LRRK1: variants seen among roughly 807,000 people sequenced by gnomAD.
LRRK1 encodes leucine-rich repeat serine/threonine-protein kinase 1.
A neutral mutation model predicts 209.1 loss-of-function variants in LRRK1; 113 were observed. The ratio of observed to expected loss-of-function variants is 0.54; its 90% CI spans 0.46 to 0.63. LRRK1 has a LOEUF of 0.63. LRRK1 is among the 30% of genes least tolerant of loss of function. The pLI is 0.00. For synonymous variants in LRRK1, 1,144 were observed against 1,099.7 expected (o/e 1.04, Z -0.80); for missense variants, 2,284 against 2,632.2 (o/e 0.87, Z 2.89).
chr15:100,940,872 G>T (rs532499257), intron 2 of LRRK1, among the ~76,000 whole-genome samples: 1 of 152,328 alleles, frequency 6.6e-6, no homozygotes, highest in Admixed American at 6.5e-5. Flanking sequence ...TGTGTGATTT[G>T]TGTAGGTTTG....
At chr15:101,034,811 C>T (rs2034430900) in intron 20 of LRRK1, among the ~76,000 whole-genome samples, 1 of 151,626 alleles carries the variant, frequency 6.6e-6, no homozygotes, top group African/African-American at 2.4e-5. Context: ...TCCTGATTAA[C>T]TTTGGGTAAG....
chr15:101,020,261 G>A (rs186077073), intron 12 of LRRK1, among the ~76,000 whole-genome samples: 22 of 152,200 alleles, frequency 1.4e-4, no homozygotes, highest in Admixed American at 1.4e-3. Flanking sequence ...CACATGTGCA[G>A]GTGTGGTGTG....
chr15:101,018,684 C>T lies in LRRK1; in HGVS notation c.1610-2369C>T, dbSNP rs1273392674. Reference sequence around the variant, plus strand: ...CTCTAGAAAGTGACAGCTGGCAGCCCGCAGAAGTACATCTGGGGAGCCATG... The same window carrying T: ...CTCTAGAAAGTGACAGCTGGCAGCCTGCAGAAGTACATCTGGGGAGCCATG... On this transcript the variant is annotated intron_variant, in intron 12 of 33. Coordinates refer to ENST00000388948, the MANE Select transcript of LRRK1 (RefSeq NM_024652.6). 5.3e-5 allele frequency among the ~76,000 whole-genome samples: 8 copies of T among 152,272 alleles called. No individual in the cohort carries two copies. The South Asian group carries it at 1.5e-3, about 28-fold the overall frequency.
intron 2 of LRRK1, among the ~76,000 whole-genome samples, chr15:100,949,690 A>T (rs1437949240): frequency 6.6e-6 from 1 of 152,214 alleles, no homozygotes; most frequent in African/African-American, 2.4e-5. Context: ...AGTGGAATTT[A>T]TCTTAGGATT....
chr15:100,973,283 C>T (rs541821984), intron 2 of LRRK1, among the ~76,000 whole-genome samples: 2 of 152,358 alleles, frequency 1.3e-5, no homozygotes, highest in African/African-American at 4.8e-5. Flanking sequence ...CCCATCGTTA[C>T]GCAGCGCGTT....
chr15:101,070,220 C>T lies in LRRK1; in HGVS notation c.*1372C>T, dbSNP rs779526617. ...GGGCAGCCCCTCCTTGCCCACTGTG[C>T]CAACATGCAGGTGGCCCCTGAGCAG... is the stretch of plus-strand genomic sequence containing the variant. On this transcript the variant is annotated 3_prime_UTR_variant, in exon 34 of 34. Transcript: ENST00000388948. The T allele has an allele frequency of 1.3e-5, 2 of 152,000 alleles. No homozygotes were observed. The highest frequency in any genetic ancestry group is 2.4e-5 in the African/African-American group (1 of 41,348). 9.4% of individuals were successfully genotyped at this position (152,000 alleles called of 1,614,324 possible). A position where few individuals can be genotyped will look rare whatever the true frequency, so the allele number is the denominator to read the frequency against.
At position 101,075,438 on chromosome 15, in the gene LRRK1, TAAG is replaced by T; in HGVS notation, c.*6592_*6594del. 8.3e-6 allele frequency: 1 copy of T among 120,436 alleles called. No individual in the cohort carries two copies. 7.5% of individuals were successfully genotyped at this position (120,436 alleles called of 1,614,324 possible). On this transcript the variant is annotated 3_prime_UTR_variant, in exon 34 of 34. Transcript: ENST00000388948. ...ATCCCCCGACCTTAACCCATAAGTA[TAAG>T]ATACCTCTACTCCCTCCTTGGTGAC...
chr15:101,038,789 A>T (rs914627924), intron 20 of LRRK1, among the ~76,000 whole-genome samples: 3 of 152,162 alleles, frequency 2.0e-5, no homozygotes, highest in Non-Finnish European at 4.4e-5. Context: ...CTAGTCAGCC[A>T]TCTTGAAGCC....
chr15:100,937,585 A>G (rs1038770301), intron 2 of LRRK1, among the ~76,000 whole-genome samples: 5 of 151,774 alleles, frequency 3.3e-5, no homozygotes, highest in African/African-American at 1.2e-4. Flanking sequence ...CCCAGGCTGG[A>G]GTGCAGTGGC....
rs377561844 is a variant in LRRK1, at chr15:101,045,900, G to A, written c.2964-81G>A. 1.3e-4 allele frequency: 163 copies of A among 1,248,874 alleles called. No homozygotes were observed. In the African/African-American group the frequency reaches 2.1e-3, roughly 16 times the overall value. 77.4% of individuals were successfully genotyped at this position (1,248,874 alleles called of 1,614,324 possible). The stretch of plus-strand genomic sequence containing the variant: ...GGTGTTCCAGCACAGCCTGTCCCCA[G>A]ATCAGGCCATCTGCTGGGGTCAGGG... On this transcript the variant is annotated intron_variant, in intron 20 of 33. Transcript: ENST00000388948.
intron 6 of LRRK1, among the ~76,000 whole-genome samples, chr15:100,999,089 G>A (rs1395673107): frequency 2.0e-5 from 3 of 152,154 alleles, no homozygotes; most frequent in Admixed American, 6.5e-5. Flanking sequence ...GGGTTCTCTC[G>A]AAAGCAAGTT....
intron 11 of LRRK1, 66 bp from the exon 12 acceptor site, chr15:101,015,260 A>C (rs944647388): frequency 7.6e-7 from 1 of 1,317,296 alleles, no homozygotes; most frequent in African/African-American, 1.4e-5. Flanking sequence ...GCATTATAAC[A>C]TCACAGCCAA....
Position 101,034,748 on chromosome 15 carries a change from G to A in LRRK1, c.2963+5516G>A, listed in dbSNP as rs932795820. On this transcript the variant is annotated intron_variant, in intron 20 of 33. Coordinates refer to ENST00000388948, the MANE Select transcript of LRRK1 (RefSeq NM_024652.6). ...CTTTAGCTATTCAATCTCTTGTTTG[G>A]TTCCATATGAATTTTAGAATCCATT... 2.0e-5 allele frequency among the ~76,000 whole-genome samples: 3 copies of A among 151,886 alleles called. No individual in the cohort carries two copies. In the East Asian group the frequency reaches 5.8e-4, roughly 29 times the overall value.
At chr15:101,002,481 C>T (rs1482970655) in intron 6 of LRRK1, among the ~76,000 whole-genome samples, 4 of 152,190 alleles carry the variant, frequency 2.6e-5, no homozygotes, top group Admixed American at 1.3e-4. Context: ...ACACATTCTC[C>T]ACCTGTTTGT....
Position 101,027,228 on chromosome 15 carries a change from A to G in LRRK1, c.2406-33A>G. The stretch of plus-strand genomic sequence containing the variant: ...CAGCAGCGCTTCCTCGGAGTGGGGC[A>G]TGATGAGTAAAGACGGGTCTTTTTG... On this transcript the variant is annotated intron_variant, in intron 17 of 33. Transcript: ENST00000388948. The surrounding 1 kb of genome is among the most constrained non-coding windows in gnomAD (Gnocchi z 5.1). 1.2e-6 allele frequency: 2 copies of G among 1,612,730 alleles called. No homozygotes were observed. The highest frequency in any genetic ancestry group is 1.7e-6 in the Non-Finnish European group (2 of 1,179,222).
At position 100,973,943 on chromosome 15, in the gene LRRK1, C is replaced by G; in HGVS notation, c.237C>G (p.Asp79Glu). ...GARDLLEEAC[D>E]QCASQLEKGQ... is the part of the protein sequence containing the mutation. ...GGGACCTGCTGGAGGAGGCCTGCGA[C>G]CAGTGCGCGTCCCAGCTGGAAAAGG... Residue 79 changes from aspartate (D) to glutamate (E), a missense_variant, in exon 3 of 34, where the codon GAC becomes GAG. Physicochemically the swap from Asp to Glu is conservative, Grantham distance 45. Around this residue, in one of 6 missense-constraint regions of LRRK1, gnomAD observed 174 missense variants for 133.5 expected, o/e 1.30. Coordinates refer to ENST00000388948, the MANE Select transcript of LRRK1 (RefSeq NM_024652.6). 2 of 1,259,556 alleles carry G rather than the reference C, an allele frequency of 1.6e-6. No individual in the cohort carries two copies. The highest frequency in any genetic ancestry group is 2.0e-6 in the Non-Finnish European group (2 of 996,370). 78.0% of individuals were successfully genotyped at this position (1,259,556 alleles called of 1,614,324 possible). A position where few individuals can be genotyped will look rare whatever the true frequency, so the allele number is the denominator to read the frequency against.
chr15:100,950,746 A>T (rs938261761), intron 2 of LRRK1, among the ~76,000 whole-genome samples: 2 of 152,264 alleles, frequency 1.3e-5, no homozygotes, highest in African/African-American at 4.8e-5. Context: ...ATTTATCTTT[A>T]AAGGACTTGT....
intron 2 of LRRK1, among the ~76,000 whole-genome samples, chr15:100,951,955 G>GAAAA (rs550237148): frequency 3.7e-5 from 5 of 135,214 alleles, no homozygotes; most frequent in Non-Finnish European, 6.5e-5. Flanking sequence ...CTCCATCTCA[G>GAAAA]AAAAAAAAAA....
chr15:101,026,398 G>C (rs2034034838), intron 17 of LRRK1, among the ~76,000 whole-genome samples: 1 of 152,268 alleles, frequency 6.6e-6, no homozygotes. Flanking sequence ...GAAAATGCAT[G>C]GTGCCTATTG....
Sources: gnomAD v4.1 joint callset for allele counts (sites outside exome capture counted in the v4.1 genomes callset) on GRCh38, gnomAD v4.1.1 for gene constraint, gnomAD v4.1.1 regional missense constraint, Gnocchi (gnomAD v3.1) non-coding constraint, MANE v1.5 for transcripts, NCBI Gene and HGNC (gene_info 2026-07-23, HGNC 2026-07-21) for gene names.